The following TNNT3 variants were observed in gnomAD, a reference collection of about 807,000 sequenced individuals.
TNNT3 encodes troponin T3, fast skeletal type, also known as troponin T, fast skeletal muscle.
In TNNT3, 36 loss-of-function variants were observed where a neutral mutation model predicts 54.2. The observed-to-expected ratio is 0.66, with a 90% CI of 0.51 to 0.88. The LOEUF (loss-of-function observed/expected upper bound fraction) is 0.88, where lower values mean the gene tolerates loss of function less well. Ranked by LOEUF, TNNT3 falls within the 40% of genes least tolerant of loss-of-function variation. TNNT3 has a pLI of 0.00. For missense variants in TNNT3, 291 were observed against 331.6 expected, an observed-to-expected ratio of 0.88 and a Z score of 0.95; for synonymous variants, 120 against 109.7, an observed-to-expected ratio of 1.09 and a Z score of -0.59.
Position 1,936,998 on chromosome 11 carries a change from G to A in TNNT3, c.717G>A (p.Gln239=), listed in dbSNP as rs1363331472. ...TCAGGAGCCGCATTGACCAGGCCCAGAAGCAGTGAGTAGCCCTGCCGTCCT... is the reference window on the plus strand; with the variant it reads ...TCAGGAGCCGCATTGACCAGGCCCAAAAGCAGTGAGTAGCCCTGCCGTCCT... ...TTLRSRIDQA[Q]KHSKKAGTPA... Residue 239 remains glutamine, a synonymous_variant, in exon 15 of 16, where the codon CAG becomes CAA. Transcript: ENST00000278317. 3 of 1,604,428 alleles carry A rather than the reference G, an allele frequency of 1.9e-6. No homozygotes were observed. Among genetic ancestry groups the A allele is most frequent in the East Asian group, 4.5e-5 (2 of 44,520 alleles).
At chr11:1,926,885 G>A (rs1407366415) in intron 6 of TNNT3, among the ~76,000 whole-genome samples, 176 bp downstream of exon 6, 1 of 152,234 alleles carries the variant, frequency 6.6e-6, no homozygotes, top group East Asian at 1.9e-4. Flanking sequence ...GGCCGGTACA[G>A]TGCAGGCTTC....
At chr11:1,929,704 G>A in intron 7 of TNNT3, 106 bp from the exon 8 acceptor site, 2 of 1,318,012 alleles carry the variant, frequency 1.5e-6, no homozygotes, top group Non-Finnish European at 1.1e-6. Flanking sequence ...GTGGCCTTCA[G>A]TGAAGGGGAA....
intron 1 of TNNT3, chr11:1,922,652 G>T (rs1354442493): frequency 1.6e-6 from 1 of 615,878 alleles, no homozygotes. Flanking sequence ...AGTCTGGGGC[G>T]CCAAGAGCTG....
At chr11:1,924,416 C>T (rs1487172132) in intron 4 of TNNT3, among the ~76,000 whole-genome samples, 3 of 152,258 alleles carry the variant, frequency 2.0e-5, no homozygotes, top group Non-Finnish European at 4.4e-5. Context: ...AACTGGGGAG[C>T]GCGTTCACGC....
chr11:1,926,337 T>G, intron 5 of TNNT3: 2 of 1,115,510 alleles, frequency 1.8e-6, no homozygotes, highest in Non-Finnish European at 2.8e-6. Context: ...GACCGTGTCT[T>G]GCTCGCTCCC....
chr11:1,936,936 G>A (rs763369897), intron 14 of TNNT3, 27 bp from the exon 15 acceptor site: 4 of 1,597,024 alleles, frequency 2.5e-6, no homozygotes, highest in South Asian at 2.3e-5. Flanking sequence ...TCGGGTCGTC[G>A]CAGTGAGTCA....
Position 1,932,526 on chromosome 11 carries a change from G to C in TNNT3, c.171+12G>C. 1 of 1,613,536 alleles carries C rather than the reference G, an allele frequency of 6.2e-7. No homozygotes were observed. The highest frequency in any genetic ancestry group is 1.3e-5 in the African/African-American group (1 of 75,022). ...AAGTGGACTTCGATGTAAGTTTACA[G>C]GACTCTGGTTAACATGTCCACGGTT... On this transcript the variant is annotated intron_variant, in intron 9 of 15. Coordinates refer to ENST00000278317, the MANE Select transcript of TNNT3 (RefSeq NM_006757.4).
At chr11:1,926,766 T>C (rs376734271) in intron 6 of TNNT3, 57 bp downstream of exon 6, 18 of 1,608,260 alleles carry the variant, frequency 1.1e-5, no homozygotes, top group Non-Finnish European at 1.4e-5. Context: ...TTCTGTCCTC[T>C]CTTGCTTCCT....
intron 1 of TNNT3, among the ~76,000 whole-genome samples, chr11:1,920,579 T>C (rs2133203957): frequency 6.6e-6 from 1 of 150,892 alleles, no homozygotes; most frequent in Non-Finnish European, 1.5e-5. Flanking sequence ...AAGCAAAGGT[T>C]GGCTGGGTGG....
At chr11:1,936,792 C>T (rs1281777256) in intron 14 of TNNT3, among the ~76,000 whole-genome samples, 171 bp from the exon 15 acceptor site, 11 of 152,214 alleles carry the variant, frequency 7.2e-5, no homozygotes, top group Non-Finnish European at 1.2e-4. Context: ...GGGACGGTGT[C>T]CCCCTGCACA....
chr11:1,936,499 C>T (rs1307364791), intron 14 of TNNT3, among the ~76,000 whole-genome samples: 1 of 152,206 alleles, frequency 6.6e-6, no homozygotes, highest in Non-Finnish European at 1.5e-5. Flanking sequence ...GCAGCGGCCA[C>T]AGAGTGCCCC....
chr11:1,922,843 ATC>A lies in TNNT3; in HGVS notation c.-18-6_-18-5del. 6.2e-7 allele frequency: 1 copy of A among 1,607,750 alleles called. No individual in the cohort carries two copies. Among genetic ancestry groups the A allele is most frequent in the Non-Finnish European group, 8.5e-7 (1 of 1,177,540 alleles). The stretch of plus-strand genomic sequence containing the variant: ...ATCCTCTCTCTCTCTCTCTCTCTGA[ATC>A]TCTCTCTGCAGAAACCACCCACCTT... On this transcript the variant is annotated splice_polypyrimidine_tract_variant and intron_variant, in intron 1 of 15. Coordinates refer to ENST00000278317, the MANE Select transcript of TNNT3 (RefSeq NM_006757.4).
chr11:1,935,891 C>T (rs1854876760), intron 14 of TNNT3, among the ~76,000 whole-genome samples: 1 of 152,122 alleles, frequency 6.6e-6, no homozygotes, highest in African/African-American at 2.4e-5. Flanking sequence ...ACGAGCTCCC[C>T]TCCGACAGAG....
At chr11:1,921,175 G>A (rs1041573260) in intron 1 of TNNT3, among the ~76,000 whole-genome samples, 9 of 152,200 alleles carry the variant, frequency 5.9e-5, no homozygotes, top group Non-Finnish European at 8.8e-5. Flanking sequence ...GGGCAGAAAC[G>A]TCTTGCCTAT....
intron 5 of TNNT3, chr11:1,926,447 C>G: frequency 6.2e-7 from 1 of 1,613,210 alleles, no homozygotes; most frequent in Non-Finnish European, 8.5e-7. Flanking sequence ...CCTCTTGTTC[C>G]GTGGCCTCCT....
At chr11:1,928,781 G>A (rs1852357811) in intron 6 of TNNT3, among the ~76,000 whole-genome samples, 1 of 152,152 alleles carries the variant, frequency 6.6e-6, no homozygotes, top group African/African-American at 2.4e-5. Context: ...GGTTGGCCCT[G>A]CCAGACCCAA....
Position 1,923,565 on chromosome 11 carries a change from A to G in TNNT3, c.42A>G (p.Glu14=). The G allele has an allele frequency of 6.2e-7, 1 of 1,613,480 alleles. No homozygotes were observed. The highest frequency in any genetic ancestry group is 1.1e-5 in the South Asian group (1 of 91,020). Residue 14 remains glutamate, a synonymous_variant, in exon 4 of 16, where the codon GAA becomes GAG. Transcript: ENST00000278317. The part of the protein sequence containing the change: ...EEVEQVEEQY[E]EEEEAQEEEE... ...TCTGTCCCAATGCAGAGCAGTACGA[A>G]GAAGAAGGTAATTCTGGCAACCACC...
chr11:1,933,099 A>G (rs1853895478), intron 9 of TNNT3, among the ~76,000 whole-genome samples: 1 of 122,066 alleles, frequency 8.2e-6, no homozygotes, highest in East Asian at 2.6e-4. Context: ...CACTCACATA[A>G]CCATCCACTC....
chr11:1,932,000 C>G (rs570849771), intron 8 of TNNT3, among the ~76,000 whole-genome samples: 3 of 152,204 alleles, frequency 2.0e-5, no homozygotes, highest in Non-Finnish European at 4.4e-5. Flanking sequence ...TTCTTCCCAG[C>G]CCCCTCTCCT....
Sources: gnomAD v4.1 joint callset for allele counts (sites outside exome capture counted in the v4.1 genomes callset) on GRCh38, gnomAD v4.1.1 for gene constraint, MANE v1.5 for transcripts, NCBI Gene and HGNC (gene_info 2026-07-23, HGNC 2026-07-21) for gene names.